The following NFE2L2 variants were observed in gnomAD, a reference collection of about 807,000 sequenced individuals.
The protein encoded by NFE2L2 is NFE2 like bZIP transcription factor 2.
Under a neutral mutation model 49.6 loss-of-function variants are expected in NFE2L2, and 20 were observed. That is an observed-to-expected ratio of 0.40 (90% confidence interval 0.28 to 0.59). The LOEUF (loss-of-function observed/expected upper bound fraction) is 0.59. Ranked by LOEUF, NFE2L2 falls within the 20% of genes least tolerant of loss-of-function variation. The pLI is 0.40. For missense variants in NFE2L2, 578 were observed against 714.2 expected (o/e 0.81, Z 2.17); for synonymous variants, 244 against 256.5 (o/e 0.95, Z 0.47).
In NFE2L2 at chr2:177,247,684, C is replaced by CAA. The variant is rs57701650; in HGVS notation, c.46-13415_46-13414dup. Among the ~76,000 whole-genome samples, 376 of 56,304 alleles carry CAA rather than the reference C, an allele frequency of 6.7e-3. 1 individual carries two copies. Among genetic ancestry groups the CAA allele is most frequent in the African/African-American group, 0.019 (315 of 16,236 alleles). 36.9% of individuals were successfully genotyped at this position (56,304 alleles called of 152,430 possible). On this transcript the variant is annotated intron_variant, in intron 1 of 4. Transcript: ENST00000397062. ...AAGAGCAAAACTCTGCCCCACCCCG[C>CAA]AAAAAAAAAAAAAAAAAAGAAAAAA...
rs1689523226 is a variant in NFE2L2, at chr2:177,230,975, T to C, written c.1628A>G (p.Lys543Arg). 6.2e-7 allele frequency: 1 copy of C among 1,609,694 alleles called. No homozygotes were observed. The highest frequency in any genetic ancestry group is 1.3e-5 in the African/African-American group (1 of 74,590). The change falls in exon 5 of 5, where the codon AAA becomes AGA. Residue 543 changes from lysine to arginine, a missense_variant. This residue lies in a region of NFE2L2 where 117 missense variants were observed against 175.8 expected (regional missense o/e 0.67). Transcript: ENST00000397062. ...KDEKEKLLKE[K>R]GENDKSLHLL... is the part of the protein sequence containing the mutation. ...GTGAAGGCTTTTGTCATTTTCTCCT[T>C]TTTCTTTGAGCAATTTTTCTTTTTC...
Position 177,231,559 on chromosome 2 carries a change from T to C in NFE2L2, c.1044A>G (p.Leu348=), listed in dbSNP as rs200209692. The change falls in exon 5 of 5, where the codon CTA becomes CTG. Residue 348 remains leucine (L), a synonymous_variant. Transcript: ENST00000397062. ...GTGATGCCACACTGGGACTTGTGTT[T>C]AGTGAAATGCCGGAGTCAGAATCAT... ...EFNDSDSGIS[L]NTSPSVASPE... 198 of 1,614,200 alleles carry C rather than the reference T, an allele frequency of 1.2e-4. No homozygotes were observed. The highest frequency in any genetic ancestry group is 1.6e-4 in the Non-Finnish European group (184 of 1,180,024).
chr2:177,233,695 C>T (rs1208552636), intron 2 of NFE2L2: 1 of 517,234 alleles, frequency 1.9e-6, no homozygotes, highest in East Asian at 3.3e-5. Context: ...GTAATCCCTG[C>T]TACTTGGTTC....
chr2:177,233,148 T>C (rs945886555), intron 3 of NFE2L2, 102 bp downstream of exon 3: 1 of 1,000,330 alleles, frequency 1.0e-6, no homozygotes, highest in Non-Finnish European at 1.5e-6. Flanking sequence ...AATGTTTTTA[T>C]TCTTTTAAAT....
intron 1 of NFE2L2, among the ~76,000 whole-genome samples, chr2:177,255,127 A>G (rs1690470619): frequency 6.6e-6 from 1 of 152,250 alleles, no homozygotes; most frequent in East Asian, 1.9e-4. Context: ...GACTTCCAAG[A>G]GTCCTGCAGA....
chr2:177,256,478 T>G (rs1032213743), intron 1 of NFE2L2, among the ~76,000 whole-genome samples: 2 of 127,600 alleles, frequency 1.6e-5, no homozygotes, highest in Non-Finnish European at 3.1e-5. Flanking sequence ...TAATCTACTC[T>G]GAATGTCAGC....
In NFE2L2 at chr2:177,234,116, C is replaced by A. The variant is rs1175634727; in HGVS notation, c.201G>T (p.Glu67Asp). 2 of 1,614,174 alleles carry A rather than the reference C, an allele frequency of 1.2e-6. No homozygotes were observed. Reference protein sequence around the residue: ...ERQEQLQKEQEKAFFAQLQLD... With the variant: ...ERQEQLQKEQDKAFFAQLQLD... The stretch of plus-strand genomic sequence containing the variant: ...GTTGTAACTGAGCGAAAAAGGCTTT[C>A]TCTTGCTCCTTTTGGAGTTGTTCTT... Residue 67 changes from glutamate to aspartate, a missense_variant, in exon 2 of 5, where the codon GAG becomes GAT. Glu to Asp is a conservative substitution (Grantham distance 45). Around this residue, in one of 3 missense-constraint regions of NFE2L2, gnomAD observed 93 missense variants for 153.9 expected, o/e 0.60. Transcript: ENST00000397062.
chr2:177,240,879 C>T (rs963718169), intron 1 of NFE2L2, among the ~76,000 whole-genome samples: 3 of 152,020 alleles, frequency 2.0e-5, no homozygotes, highest in African/African-American at 7.2e-5. Flanking sequence ...TAATACAATC[C>T]CTGTCCTAAA....
At chr2:177,259,075 C>A (rs1397236575) in intron 1 of NFE2L2, among the ~76,000 whole-genome samples, 1 of 152,132 alleles carries the variant, frequency 6.6e-6, no homozygotes, top group Non-Finnish European at 1.5e-5. Context: ...TTTCGGAGAC[C>A]AAGGTGGGCA....
At chr2:177,248,251 T>C (rs1476525819) in intron 1 of NFE2L2, among the ~76,000 whole-genome samples, 1 of 152,224 alleles carries the variant, frequency 6.6e-6, no homozygotes, top group African/African-American at 2.4e-5. Context: ...CAAGCTAGAC[T>C]TTCCTACTGC....
At position 177,232,548 on chromosome 2, in the gene NFE2L2, A is replaced by G; in HGVS notation, c.438T>C (p.Asp146=). 6.2e-7 allele frequency: 1 copy of G among 1,614,082 alleles called. No individual in the cohort carries two copies. The highest frequency in any genetic ancestry group is 1.1e-5 in the South Asian group (1 of 91,086). Residue 146 remains aspartate, a synonymous_variant, in exon 4 of 5, where the codon GAT becomes GAC. Transcript: ENST00000397062. ...SSATFQSLVP[D]IPGHIESPVF... Reference sequence around the variant, plus strand: ...CTGGGCTCTCGATGTGACCGGGAATATCAGGAACAAGTGACTGAAACGTAG... The same window carrying G: ...CTGGGCTCTCGATGTGACCGGGAATGTCAGGAACAAGTGACTGAAACGTAG...
At chr2:177,232,624 CAG>C (rs777022809) in intron 3 of NFE2L2, 41 bp from the exon 4 acceptor site, 79 of 1,594,490 alleles carry the variant, frequency 5.0e-5, no homozygotes, top group African/African-American at 6.7e-5. Flanking sequence ...CTTCCACCAA[CAG>C]GGGATGAGTA....
chr2:177,241,168 A>G (rs1214028371), intron 1 of NFE2L2, among the ~76,000 whole-genome samples: 1 of 152,206 alleles, frequency 6.6e-6, no homozygotes, highest in Non-Finnish European at 1.5e-5. Flanking sequence ...CTGATCCTTG[A>G]TCTTTTTACT....
intron 1 of NFE2L2, among the ~76,000 whole-genome samples, chr2:177,257,722 G>C (rs1051358889): frequency 4.9e-4 from 74 of 152,206 alleles, no homozygotes; most frequent in African/African-American, 1.8e-3. Context: ...AGCAGTAGGC[G>C]AGCATTCCCG....
chr2:177,230,465 A>G lies in NFE2L2; in HGVS notation c.*320T>C, dbSNP rs1159075031. On this transcript the variant is annotated 3_prime_UTR_variant, in exon 5 of 5. Coordinates refer to ENST00000397062, the MANE Select transcript of NFE2L2 (RefSeq NM_006164.5). Reference sequence around the variant, plus strand: ...GTTTTGCAATAATTTCTTTTTAGCCAGATGTCATATCATCATATAAATCTA... The same window carrying G: ...GTTTTGCAATAATTTCTTTTTAGCCGGATGTCATATCATCATATAAATCTA... The G allele has an allele frequency of 3.9e-6, 1 of 259,554 alleles. No homozygotes were observed. The highest frequency in any genetic ancestry group is 7.3e-6 in the Non-Finnish European group (1 of 137,166). 16.1% of individuals were successfully genotyped at this position (259,554 alleles called of 1,614,324 possible).
intron 1 of NFE2L2, among the ~76,000 whole-genome samples, chr2:177,247,678 A>G (rs376023014): frequency 1.8e-5 from 2 of 110,226 alleles, no homozygotes; most frequent in Non-Finnish European, 3.7e-5. Context: ...ACTCTGCCCC[A>G]CCCCGCAAAA....
At chr2:177,263,641 C>G in intron 1 of NFE2L2, 1 of 985,466 alleles carries the variant, frequency 1.0e-6, no homozygotes, top group Non-Finnish European at 1.2e-6. Flanking sequence ...AGGCCACGCG[C>G]GCGGTGAGCG....
chr2:177,252,556 C>CTG (rs1553490759), intron 1 of NFE2L2, among the ~76,000 whole-genome samples: 2 of 152,200 alleles, frequency 1.3e-5, no homozygotes, highest in African/African-American at 4.8e-5. Context: ...GAAACTCTCT[C>CTG]TGTGCCACCT....
In NFE2L2 at chr2:177,231,211, G is replaced by A; in HGVS notation, c.1392C>T (p.Leu464=). The change falls in exon 5 of 5, where the codon CTC becomes CTT. Residue 464 remains leucine, a synonymous_variant. Coordinates refer to ENST00000397062, the MANE Select transcript of NFE2L2 (RefSeq NM_006164.5). The stretch of plus-strand genomic sequence containing the variant: ...TTTTTTCTACAGGGAATGGGATATG[G>A]AGAGCTTTTGCCCTAAGTTCATCTC... ...LTRDELRAKA[L]HIPFPVEKII... The A allele has an allele frequency of 1.2e-6, 2 of 1,614,204 alleles. No individual in the cohort carries two copies. Among genetic ancestry groups the A allele is most frequent in the South Asian group, 1.1e-5 (1 of 91,074 alleles).
Sources: gnomAD v4.1 joint callset for allele counts (sites outside exome capture counted in the v4.1 genomes callset) on GRCh38, gnomAD v4.1.1 for gene constraint, gnomAD v4.1.1 regional missense constraint, MANE v1.5 for transcripts, NCBI Gene and HGNC (gene_info 2026-07-23, HGNC 2026-07-21) for gene names.